MRM2: variants seen among roughly 807,000 people sequenced by gnomAD.
MRM2 encodes mitochondrial rRNA methyltransferase 2.
MRM2 carries 15 observed loss-of-function variants against 10.9 expected under a neutral mutation model. That is an observed-to-expected ratio of 1.37 (90% CI 0.92 to 2.11). The LOEUF is 2.11. MRM2 is among the 30% of genes most tolerant of loss of function. The pLI is 0.00. For missense variants in MRM2, 328 were observed against 321.3 expected (o/e 1.02, Z -0.16); for synonymous variants, 139 against 128.7 (o/e 1.08, Z -0.54).
intron 1 of MRM2, 143 bp from the exon 2 acceptor site, chr7:2,239,850 C>G: frequency 1.4e-6 from 1 of 706,106 alleles, no homozygotes; most frequent in Non-Finnish European, 2.4e-6. Context: ...TAAGGCTACA[C>G]AGATGGAAAG....
intron 1 of MRM2, chr7:2,240,143 AC>A (rs1205222143): frequency 4.2e-5 from 15 of 359,660 alleles, no homozygotes; most frequent in Non-Finnish European, 7.8e-5. Context: ...AATCGCCTGA[AC>A]CCAGGAGGCA....
chr7:2,241,586 G>C (rs910618287), intron 1 of MRM2, among the ~76,000 whole-genome samples: 3 of 152,162 alleles, frequency 2.0e-5, no homozygotes, highest in Admixed American at 6.5e-5. Flanking sequence ...ACAGGTGTGG[G>C]CCACCAAGCC....
chr7:2,240,885 TGG>T (rs1336935993), intron 1 of MRM2, among the ~76,000 whole-genome samples: 1 of 152,160 alleles, frequency 6.6e-6, no homozygotes, highest in East Asian at 1.9e-4. Context: ...TCAGTATAGA[TGG>T]GTTCCACCAT....
chr7:2,239,189 G>A (rs543595089), intron 2 of MRM2: 14 of 780,410 alleles, frequency 1.8e-5, no homozygotes, highest in South Asian at 5.4e-5. Context: ...ACCTGCGGGC[G>A]GTCTCATGCG....
Position 2,242,197 on chromosome 7 carries a change from G to C in MRM2, c.-28C>G, listed in dbSNP as rs537570728. Reference sequence around the variant, plus strand: ...GTGTTCCCCGCGCCTGCAGCGCGCCGCCGGAAGTGCCTGGCCTCACTTCCG... The same window carrying C: ...GTGTTCCCCGCGCCTGCAGCGCGCCCCCGGAAGTGCCTGGCCTCACTTCCG... On this transcript the variant is annotated 5_prime_UTR_variant, in exon 1 of 3. Transcript: ENST00000242257. 6.2e-5 allele frequency: 97 copies of C among 1,569,250 alleles called. No individual in the cohort carries two copies. The highest frequency in any genetic ancestry group is 7.6e-5 in the Non-Finnish European group (89 of 1,163,938).
chr7:2,239,333 C>T (rs2115043131), intron 2 of MRM2, 85 bp downstream of exon 2: 3 of 1,355,938 alleles, frequency 2.2e-6, no homozygotes, highest in East Asian at 4.6e-5. Context: ...CTCCACCATC[C>T]CGCATCCACT....
chr7:2,239,271 T>A, intron 2 of MRM2, 147 bp downstream of exon 2: 1 of 844,620 alleles, frequency 1.2e-6, no homozygotes, highest in South Asian at 1.3e-5. Flanking sequence ...CCTATTTTTA[T>A]CATCACCATT....
At position 2,234,932 on chromosome 7, in the gene MRM2, C is replaced by T. The variant is rs143186157; in HGVS notation, c.*190G>A. ...TAGCGGACTTTTTCATTTTCCATGG[C>T]CCCTGAACTTAGTTTTGTCATCTCT... On this transcript the variant is annotated 3_prime_UTR_variant, in exon 3 of 3. Transcript: ENST00000242257. 6 of 591,492 alleles carry T rather than the reference C, an allele frequency of 1.0e-5. No individual in the cohort carries two copies. The African/African-American group carries it at 1.1e-4, about 11-fold the overall frequency. The allele number at this position is 591,492 out of a possible 1,614,324, so 36.6% of individuals were successfully genotyped here. A position where few individuals can be genotyped will look rare whatever the true frequency, so the allele number is the denominator to read the frequency against.
chr7:2,240,276 T>C (rs1159283294), intron 1 of MRM2: 8 of 455,940 alleles, frequency 1.8e-5, no homozygotes, highest in Non-Finnish European at 3.5e-5. Flanking sequence ...TTTTCTCATC[T>C]GGCAAAAATG....
At chr7:2,242,079 C>T in intron 1 of MRM2, 83 bp downstream of exon 1, 1 of 1,443,808 alleles carries the variant, frequency 6.9e-7, no homozygotes, top group Non-Finnish European at 9.4e-7. Context: ...CACCCAGCCC[C>T]GAGGCCAGGA....
rs540955715 is a variant in MRM2, at chr7:2,236,363, G to A, written c.299-799C>T. Among the ~76,000 whole-genome samples, 7 of 152,194 alleles carry A rather than the reference G, an allele frequency of 4.6e-5. No individual in the cohort carries two copies. The South Asian group carries it at 1.2e-3, about 27-fold the overall frequency. On this transcript the variant is annotated intron_variant, in intron 2 of 2. Coordinates refer to ENST00000242257, the MANE Select transcript of MRM2 (RefSeq NM_013393.3). ...AACTACTGGAAACAAGTCAAGAGAT[G>A]AGGAAAATGAACAGATATAAAATAA...
rs759395201 is a variant in MRM2 at position 2,242,120 on chromosome 7, C to T, written c.8+42G>A. On this transcript the variant is annotated intron_variant, in intron 1 of 2. Coordinates refer to ENST00000242257, the MANE Select transcript of MRM2 (RefSeq NM_013393.3). ...GAAGGCGACCGGGCGGACCCCCAAC[C>T]ACTCCCGCTGTCTGCACGCGCAGCA... is the stretch of plus-strand genomic sequence containing the variant. 3.6e-5 allele frequency: 57 copies of T among 1,580,866 alleles called. No individual in the cohort carries two copies. In the African/African-American group the frequency reaches 7.3e-4, roughly 20 times the overall value.
chr7:2,235,371 G>A lies in MRM2; in HGVS notation c.492C>T (p.Asp164=). 1 of 1,614,104 alleles carries A rather than the reference G, an allele frequency of 6.2e-7. No homozygotes were observed. The highest frequency in any genetic ancestry group is 1.1e-5 in the South Asian group (1 of 91,078). Residue 164 remains aspartate, a synonymous_variant, in exon 3 of 3, where the codon GAC becomes GAT. Coordinates refer to ENST00000242257, the MANE Select transcript of MRM2 (RefSeq NM_013393.3). ...GGCTGATGAGCCTGTCATGATCGAGGTCCCGGAACCCTGTGGCATTGGGCG... is the reference window on the plus strand; with the variant it reads ...GGCTGATGAGCCTGTCATGATCGAGATCCCGGAACCCTGTGGCATTGGGCG... ...DMAPNATGFR[D]LDHDRLISLC...
chr7:2,241,789 C>T (rs139052325), intron 1 of MRM2, among the ~76,000 whole-genome samples: 3,915 of 152,342 alleles, frequency 0.026, 78 homozygotes, highest in Middle Eastern at 0.058. Context: ...AAGCCGGTCC[C>T]GGGGGCCAGG....
At chr7:2,240,312 G>A (rs1204989332) in intron 1 of MRM2, 1 of 455,988 alleles carries the variant, frequency 2.2e-6, no homozygotes, top group South Asian at 1.6e-5. Flanking sequence ...CAGGCTGCAA[G>A]AAAACCTCAT....
intron 2 of MRM2, among the ~76,000 whole-genome samples, chr7:2,237,046 A>T (rs79485238): frequency 6.9e-4 from 105 of 152,256 alleles, no homozygotes; most frequent in African/African-American, 2.4e-3. Context: ...TGTGTGTGAG[A>T]CAAGGCCTCA....
Position 2,235,445 on chromosome 7 carries a change from G to A in MRM2, c.418C>T (p.Leu140Phe). The change falls in exon 3 of 3, where the codon CTC becomes TTC. Residue 140 changes from leucine (L) to phenylalanine (F), a missense_variant. By Grantham distance (22) the Leu-to-Phe change is conservative. Transcript: ENST00000242257. Reference protein sequence around the residue: ...VTDPRTSQRILEVLPGRRADV... With the variant: ...VTDPRTSQRIFEVLPGRRADV... Reference sequence around the variant, plus strand: ...GCTCTCCTGCCAGGAAGCACCTCGAGGATTCTCTGTGAGGTTCTCGGGTCA... The same window carrying A: ...GCTCTCCTGCCAGGAAGCACCTCGAAGATTCTCTGTGAGGTTCTCGGGTCA... The A allele has an allele frequency of 6.2e-7, 1 of 1,614,022 alleles. No homozygotes were observed.
rs376465887 is a variant in MRM2 at position 2,236,283 on chromosome 7, T to C, written c.299-719A>G. ...AATAAACTAGTACATAAAGTGCCTCTGGATTAAATCAAGAAATCCATTCTC... is the reference window on the plus strand; with the variant it reads ...AATAAACTAGTACATAAAGTGCCTCCGGATTAAATCAAGAAATCCATTCTC... On this transcript the variant is annotated intron_variant, in intron 2 of 2. Transcript: ENST00000242257. 2.0e-5 allele frequency among the ~76,000 whole-genome samples: 3 copies of C among 152,216 alleles called. No homozygotes were observed. In the East Asian group the frequency reaches 5.8e-4, roughly 29 times the overall value.
intron 1 of MRM2, chr7:2,240,321 A>T (rs954488750): frequency 4.4e-6 from 2 of 455,880 alleles, no homozygotes; most frequent in South Asian, 1.6e-5. Flanking sequence ...AGAAAACCTC[A>T]TAAGGACAGA....
Sources: allele counts gnomAD v4.1 joint callset (sites outside exome capture counted in the v4.1 genomes callset), GRCh38; gene constraint gnomAD v4.1.1; transcripts MANE v1.5; gene names NCBI Gene and HGNC (gene_info 2026-07-23, HGNC 2026-07-21).